The following FXYD2 variants were observed in gnomAD, a reference collection of about 807,000 sequenced individuals.
The protein encoded by FXYD2 is FXYD domain containing ion transport regulator 2.
Under a neutral mutation model 11.8 loss-of-function variants are expected in FXYD2, and 8 were observed. The observed-to-expected ratio is 0.68, with a 90% confidence interval of 0.40 to 1.22. FXYD2 has a LOEUF of 1.22. Ranked by LOEUF, FXYD2 falls within the 50% of genes most tolerant of loss-of-function variation. FXYD2 has a pLI of 0.01. For synonymous variants in FXYD2, 42 were observed against 33.3 expected, an observed-to-expected ratio of 1.26 and a Z score of -0.90; for missense variants, 92 against 91.8, an observed-to-expected ratio of 1.00 and a Z score of -0.01.
At position 117,822,445 on chromosome 11, in the gene FXYD2, C is replaced by A. The variant is rs1290537690; in HGVS notation, c.100G>T (p.Ala34Ser). The change falls in exon 3 of 6, where the codon GCT becomes TCT. Residue 34 changes from alanine (A) to serine (S), a missense_variant. By Grantham distance (99) the Ala-to-Ser change is moderately conservative. Transcript: ENST00000292079. The surrounding 1 kb of genome is among the most constrained non-coding windows in gnomAD (Gnocchi z 4.7). The part of the protein sequence containing the change: ...ETVRNGGLIF[A>S]GLAFIVGLLI... ...AGCCCCACGATGAAGGCCAGTCCAG[C>A]GAAGATCAGGCCCCCATTGCGAACG... is the stretch of plus-strand genomic sequence containing the variant. The A allele has an allele frequency of 2.6e-6, 4 of 1,563,416 alleles. No individual in the cohort carries two copies. Among genetic ancestry groups the A allele is most frequent in the East Asian group, 4.7e-5 (2 of 42,494 alleles).
chr11:117,827,128 AT>A (rs2056061684), upstream of FXYD2, among the ~76,000 whole-genome samples: 1 of 147,400 alleles, frequency 6.8e-6, no homozygotes, highest in African/African-American at 2.5e-5. Flanking sequence ...AGATAGATAG[AT>A]AGATAGATAT....
In FXYD2 at chr11:117,820,417, G is replaced by A. The variant is rs1038825079; in HGVS notation, c.*7-45C>T. On this transcript the variant is annotated intron_variant, in intron 5 of 5. Transcript: ENST00000292079. ...ATGGGGTTGGGTGGGAGGCAGCAGAGGTTGGGGTTTTACTTCCCCCTTGTC... is the reference window on the plus strand; with the variant it reads ...ATGGGGTTGGGTGGGAGGCAGCAGAAGTTGGGGTTTTACTTCCCCCTTGTC... The A allele has an allele frequency of 9.9e-5, 57 of 574,744 alleles. 1 individual carries two copies. Among genetic ancestry groups the A allele is most frequent in the Non-Finnish European group, 1.7e-4 (56 of 326,536 alleles). The allele number at this position is 574,744 out of a possible 1,614,324, so 35.6% of individuals were successfully genotyped here. A position where few individuals can be genotyped will look rare whatever the true frequency, so the allele number is the denominator to read the frequency against.
upstream of FXYD2, among the ~76,000 whole-genome samples, chr11:117,827,674 C>A (rs747295121): frequency 8.5e-5 from 13 of 152,144 alleles, no homozygotes; most frequent in Non-Finnish European, 1.6e-4. Flanking sequence ...GGTCAGATGG[C>A]CAGAGGGTAG....
At chr11:117,823,228 G>A (rs982985495) in intron 1 of FXYD2, among the ~76,000 whole-genome samples, 4 of 152,174 alleles carry the variant, frequency 2.6e-5, no homozygotes, top group South Asian at 4.1e-4. Flanking sequence ...CCTTTCCTGC[G>A]TTACCATCCT....
chr11:117,823,256 G>A (rs4938440), intron 1 of FXYD2, among the ~76,000 whole-genome samples: 5,164 of 152,316 alleles, frequency 0.034, 119 homozygotes, highest in Non-Finnish European at 0.05. Context: ...AGCAGATCTA[G>A]TTAAGAAACA....
chr11:117,824,639 C>T lies in FXYD2; in HGVS notation c.25+15G>A, dbSNP rs754455934. The T allele has an allele frequency of 2.5e-6, 4 of 1,611,692 alleles. No individual in the cohort carries two copies. The highest frequency in any genetic ancestry group is 1.6e-4 in the Middle Eastern group (1 of 6,084). On this transcript the variant is annotated intron_variant, in intron 1 of 5. Transcript: ENST00000292079. The surrounding 1 kb of genome is among the most constrained non-coding windows in gnomAD (Gnocchi z 4.0). The stretch of plus-strand genomic sequence containing the variant: ...AGCATTGCACACGCCCGGGCACGCA[C>T]ACCAGCACACTCACCACCGTCCATC...
chr11:117,823,851 G>T (rs933454961), intron 1 of FXYD2, among the ~76,000 whole-genome samples: 2 of 152,238 alleles, frequency 1.3e-5, no homozygotes, highest in Non-Finnish European at 2.9e-5. Flanking sequence ...GCCAGTCCCT[G>T]GGCCAGGAAA....
In FXYD2 at chr11:117,820,869, T is replaced by C. The variant is rs1190336706; in HGVS notation, c.166A>G (p.Lys56Glu). Residue 56 changes from lysine (K) to glutamate (E), a missense_variant, in exon 4 of 6, where the codon AAG becomes GAG. Physicochemically the swap from Lys to Glu is moderately conservative, Grantham distance 56. Coordinates refer to ENST00000292079, the MANE Select transcript of FXYD2 (RefSeq NM_001680.5). ...CCAGGCAGCGCTCACCTGCGCTTCT[T>C]ATTGCCCCCACAGCGGAATCTTCTG... ...LSRRFRCGGN[K>E]KRRQINEDEP The C allele has an allele frequency of 1.1e-5, 18 of 1,613,762 alleles. No homozygotes were observed. Among genetic ancestry groups the C allele is most frequent in the Non-Finnish European group, 1.5e-5 (18 of 1,179,992 alleles).
intron 3 of FXYD2, chr11:117,821,600 T>A: frequency 1.0e-6 from 1 of 986,068 alleles, no homozygotes; most frequent in Non-Finnish European, 1.2e-6. Context: ...GCCTATGTGA[T>A]CAGCTGCCAC....
At position 117,822,006 on chromosome 11, in the gene FXYD2, G is replaced by C; in HGVS notation, c.139+400C>G. ...GAGTCTGCACTGGACCGTTCTCAGA[G>C]CGCTGTCCTGACTGCCATGTCTTTG... is the stretch of plus-strand genomic sequence containing the variant. On this transcript the variant is annotated intron_variant, in intron 3 of 5. Coordinates refer to ENST00000292079, the MANE Select transcript of FXYD2 (RefSeq NM_001680.5). This position sits in a 1 kb window ranked among gnomAD's most constrained non-coding sequence, Gnocchi z 4.7. 8.5e-7 allele frequency: 1 copy of C among 1,177,372 alleles called. No homozygotes were observed. The highest frequency in any genetic ancestry group is 1.1e-6 in the Non-Finnish European group (1 of 939,128). The allele number at this position is 1,177,372 out of a possible 1,614,324, so 72.9% of individuals were successfully genotyped here.
In FXYD2 at chr11:117,821,313, G is replaced by C. The variant is rs869791; in HGVS notation, c.140-418C>G. 1.1e-4 allele frequency: 109 copies of C among 963,388 alleles called. No individual in the cohort carries two copies. The African/African-American group carries it at 1.3e-3, about 11-fold the overall frequency. The allele number at this position is 963,388 out of a possible 1,614,324, so 59.7% of individuals were successfully genotyped here. A position where few individuals can be genotyped will look rare whatever the true frequency, so the allele number is the denominator to read the frequency against. On this transcript the variant is annotated intron_variant, in intron 3 of 5. Coordinates refer to ENST00000292079, the MANE Select transcript of FXYD2 (RefSeq NM_001680.5). ...TGGTCTCAAGAGATCCTCCTGCCTT[G>C]GCCTCCTAATATGCCGGCATTACAG...
At chr11:117,826,702 T>C (rs1239209865), upstream of FXYD2, among the ~76,000 whole-genome samples, 1 of 152,144 alleles carries the variant, frequency 6.6e-6, no homozygotes, top group African/African-American at 2.4e-5. Flanking sequence ...CTCCATGGAG[T>C]CTTTCGGGAA....
chr11:117,821,149 T>C (rs2055892125), intron 3 of FXYD2: 2 of 395,976 alleles, frequency 5.1e-6, no homozygotes, highest in Non-Finnish European at 8.1e-6. Context: ...CTCAAACTCC[T>C]GGGCTCAAGT....
upstream of FXYD2, among the ~76,000 whole-genome samples, chr11:117,827,130 AGATAGATATG>A (rs1325217843): frequency 6.7e-6 from 1 of 149,756 alleles, no homozygotes; most frequent in African/African-American, 2.5e-5. Flanking sequence ...ATAGATAGAT[AGATAGATATG>A]GATGATAGAT....
At chr11:117,820,800 A>G (rs1243616303) in intron 4 of FXYD2, 59 bp downstream of exon 4, 4 of 1,613,500 alleles carry the variant, frequency 2.5e-6, no homozygotes, top group Non-Finnish European at 3.4e-6. Flanking sequence ...CAAAATCCTC[A>G]GCCCGCCCCT....
At chr11:117,820,481 C>T (rs999561195) in intron 5 of FXYD2, 109 bp from the exon 6 acceptor site, 110 of 682,214 alleles carry the variant, frequency 1.6e-4, no homozygotes, top group African/African-American at 1.1e-3. Context: ...TGATCTCCTG[C>T]GGCACACACT....
chr11:117,824,948 G>T (rs1043924642), upstream of FXYD2, among the ~76,000 whole-genome samples: 1 of 152,228 alleles, frequency 6.6e-6, no homozygotes, highest in African/African-American at 2.4e-5. This position sits in a 1 kb window ranked among gnomAD's most constrained non-coding sequence, Gnocchi z 4.0. Context: ...CAAAGAGAAG[G>T]GTTGGGATGG....
rs1312491275 is a variant in FXYD2 at position 117,822,456 on chromosome 11, C to T, written c.89G>A (p.Gly30Asp). ...GAAGGCCAGTCCAGCGAAGATCAGG[C>T]CCCCATTGCGAACGGTCTCATAGTC... ...YYDYETVRNGGLIFAGLAFIV... is the reference protein window; with the variant it reads ...YYDYETVRNGDLIFAGLAFIV... Residue 30 changes from glycine (G) to aspartate (D), a missense_variant, in exon 3 of 6, where the codon GGC (glycine) becomes GAC (aspartate). Transcript: ENST00000292079. This position sits in a 1 kb window ranked among gnomAD's most constrained non-coding sequence, Gnocchi z 4.7. 2 of 1,562,984 alleles carry T rather than the reference C, an allele frequency of 1.3e-6. No homozygotes were observed. The highest frequency in any genetic ancestry group is 1.9e-5 in the Admixed American group (1 of 51,856).
In FXYD2 at chr11:117,824,522, G is replaced by C; in HGVS notation, c.25+132C>G. ...TTCTTAGAGAGGAGGCCGACAGGAA[G>C]AGGGGCTGGGTACTCTGGAAGGCTG... On this transcript the variant is annotated intron_variant, in intron 1 of 5. Coordinates refer to ENST00000292079, the MANE Select transcript of FXYD2 (RefSeq NM_001680.5). This position sits in a 1 kb window ranked among gnomAD's most constrained non-coding sequence, Gnocchi z 4.0. 1.3e-6 allele frequency: 1 copy of C among 765,308 alleles called. No homozygotes were observed. The highest frequency in any genetic ancestry group is 2.3e-6 in the Non-Finnish European group (1 of 431,746). The allele number at this position is 765,308 out of a possible 1,614,324, so 47.4% of individuals were successfully genotyped here. A position where few individuals can be genotyped will look rare whatever the true frequency, so the allele number is the denominator to read the frequency against.
Sources: allele counts gnomAD v4.1 joint callset (sites outside exome capture counted in the v4.1 genomes callset), GRCh38; gene constraint gnomAD v4.1.1; non-coding constraint Gnocchi (gnomAD v3.1); transcripts MANE v1.5; gene names NCBI Gene and HGNC (gene_info 2026-07-23, HGNC 2026-07-21).